VPS41: variants seen among roughly 807,000 people sequenced by gnomAD.
The protein encoded by VPS41 is vacuolar protein sorting-associated protein 41 homolog.
VPS41 carries 85 observed loss-of-function variants against 130.9 expected under a neutral mutation model. The ratio of observed to expected loss-of-function variants is 0.65; its 90% CI spans 0.55 to 0.78. The LOEUF is 0.78. Among genes scored for constraint, VPS41 ranks in the 30% least tolerant of loss-of-function variants. VPS41 has a pLI of 0.00. For missense variants in VPS41, 874 were observed against 1,018.7 expected (o/e 0.86, Z 1.93); for synonymous variants, 335 against 332.9 (o/e 1.01, Z -0.07).
chr7:38,887,883 TTA>T (rs1398580184), intron 2 of VPS41, among the ~76,000 whole-genome samples: 4 of 152,164 alleles, frequency 2.6e-5, no homozygotes, highest in African/African-American at 4.8e-5. Context: ...TTCAACATTC[TTA>T]AAGAAAAGAA....
At chr7:38,815,348 C>T (rs1470805547) in intron 7 of VPS41, among the ~76,000 whole-genome samples, 2 of 151,996 alleles carry the variant, frequency 1.3e-5, no homozygotes, top group East Asian at 1.9e-4. Flanking sequence ...TCCTTCAACT[C>T]GGGAGGTGGA....
chr7:38,739,969 G>T (rs1238964340), intron 25 of VPS41, among the ~76,000 whole-genome samples: 1 of 152,170 alleles, frequency 6.6e-6, no homozygotes, highest in East Asian at 1.9e-4. Context: ...GACTCAGAAT[G>T]ATGCAAATTT....
intron 12 of VPS41, among the ~76,000 whole-genome samples, chr7:38,773,688 A>G (rs1784198251): frequency 6.6e-6 from 1 of 152,220 alleles, no homozygotes; most frequent in Non-Finnish European, 1.5e-5. Flanking sequence ...ATGTGCCAGA[A>G]GTCTTTCAGG....
intron 25 of VPS41, among the ~76,000 whole-genome samples, chr7:38,732,402 C>T (rs1156260671): frequency 6.6e-6 from 1 of 152,188 alleles, no homozygotes; most frequent in African/African-American, 2.4e-5. Context: ...GCATTTTATA[C>T]TCCCACATAT....
Position 38,871,767 on chromosome 7 carries a change from G to A in VPS41, c.61-2514C>T, listed in dbSNP as rs531101561. ...GTTTTAAAATATGTTTATTTAGCAG[G>A]TGCATTAGCTAGCTATTGTTGTGTA... On this transcript the variant is annotated intron_variant, in intron 2 of 28. Transcript: ENST00000310301. Among the ~76,000 whole-genome samples the A allele has an allele frequency of 7.2e-5, 11 of 152,260 alleles. No individual in the cohort carries two copies. The South Asian group carries it at 2.1e-3, about 29-fold the overall frequency.
chr7:38,816,193 C>T (rs1248903714), intron 7 of VPS41, among the ~76,000 whole-genome samples: 1 of 152,022 alleles, frequency 6.6e-6, no homozygotes, highest in Non-Finnish European at 1.5e-5. Flanking sequence ...CTAATTAGTC[C>T]CCTGGACATT....
At position 38,862,625 on chromosome 7, in the gene VPS41, G is replaced by A. The variant is rs750482305; in HGVS notation, c.169-3C>T. On this transcript the variant is annotated splice_polypyrimidine_tract_variant and splice_region_variant and intron_variant, in intron 3 of 28. Coordinates refer to ENST00000310301, the MANE Select transcript of VPS41 (RefSeq NM_014396.4). The stretch of plus-strand genomic sequence containing the variant: ...TAATGTGTGCCCAATGCCAAAAACT[G>A]TAAGAAGAACAAAGAGGCCAGTTAA... The A allele has an allele frequency of 5.0e-6, 8 of 1,595,174 alleles. No individual in the cohort carries two copies. Among genetic ancestry groups the A allele is most frequent in the Middle Eastern group, 1.7e-4 (1 of 6,010 alleles).
chr7:38,843,340 G>A (rs1397326685), intron 4 of VPS41, among the ~76,000 whole-genome samples: 2 of 152,118 alleles, frequency 1.3e-5, no homozygotes, highest in Non-Finnish European at 2.9e-5. Flanking sequence ...ACATGAGTAT[G>A]CAAAAAATGT....
chr7:38,792,621 G>C (rs1784555257), intron 9 of VPS41, among the ~76,000 whole-genome samples: 1 of 152,036 alleles, frequency 6.6e-6, no homozygotes, highest in Non-Finnish European at 1.5e-5. Flanking sequence ...TAGCCTAATT[G>C]GTCTCCCCTC....
intron 10 of VPS41, 41 bp from the exon 11 acceptor site, chr7:38,776,817 C>T (rs895021903): frequency 2.7e-6 from 3 of 1,107,426 alleles, no homozygotes; most frequent in Non-Finnish European, 2.8e-6. Flanking sequence ...TCAACAGGGG[C>T]AAACAGCAGC....
At position 38,764,833 on chromosome 7, in the gene VPS41, G is replaced by A. The variant is rs568864711; in HGVS notation, c.1329+747C>T. Reference sequence around the variant, plus strand: ...ATCAGCAGTATATACAAGGAGAAACGGCCATCACATGATATTCAAAAAAAA... The same window carrying A: ...ATCAGCAGTATATACAAGGAGAAACAGCCATCACATGATATTCAAAAAAAA... On this transcript the variant is annotated intron_variant, in intron 16 of 28. Transcript: ENST00000310301. Among the ~76,000 whole-genome samples the A allele has an allele frequency of 2.6e-5, 4 of 151,886 alleles. No individual in the cohort carries two copies. In the East Asian group the frequency reaches 7.8e-4, roughly 30 times the overall value.
At position 38,776,770 on chromosome 7, in the gene VPS41, T is replaced by A. The variant is rs1231444649; in HGVS notation, c.791A>T (p.Gln264Leu). ...LPSRYVEIVS[Q>L]FETEFYISGL... ...ACTGATGTAGAATTCAGTTTCAAAC[T>A]GAGACACTGCAAACAAAAGGGATAC... is the stretch of plus-strand genomic sequence containing the variant. Residue 264 changes from glutamine to leucine, a missense_variant, in exon 11 of 29, where the codon CAG (glutamine) becomes CTG (leucine). Gln to Leu is a moderately radical substitution (Grantham distance 113). Transcript: ENST00000310301. The A allele has an allele frequency of 1.2e-6, 2 of 1,601,290 alleles. No homozygotes were observed. The highest frequency in any genetic ancestry group is 1.7e-6 in the Non-Finnish European group (2 of 1,168,834).
chr7:38,876,787 C>A (rs952628039), intron 2 of VPS41, among the ~76,000 whole-genome samples: 3 of 152,070 alleles, frequency 2.0e-5, no homozygotes, highest in East Asian at 1.9e-4. Flanking sequence ...CTCTCCTGTG[C>A]CCTGTAGTAT....
At chr7:38,833,415 G>A (rs1449644671) in intron 4 of VPS41, among the ~76,000 whole-genome samples, 1 of 152,116 alleles carries the variant, frequency 6.6e-6, no homozygotes, top group Non-Finnish European at 1.5e-5. Context: ...TAAATTATCT[G>A]GCCTTTGCCC....
rs749250359 is a variant in VPS41 at position 38,815,939 on chromosome 7, TATACAC to T, written c.450+1872_450+1877del. Among the ~76,000 whole-genome samples the T allele has an allele frequency of 4.6e-3, 691 of 151,562 alleles. 4 individuals carry two copies. The highest frequency in any genetic ancestry group is 8.2e-3 in the Non-Finnish European group (559 of 67,832). On this transcript the variant is annotated intron_variant, in intron 7 of 28. Transcript: ENST00000310301. ...CAATAAACTACTATATATATATATA[TATACAC>T]ATATATACACACACACACATCTATC...
At chr7:38,818,823 T>G (rs1205080834) in intron 6 of VPS41, among the ~76,000 whole-genome samples, 2 of 152,220 alleles carry the variant, frequency 1.3e-5, no homozygotes, top group South Asian at 4.1e-4. Context: ...TCTATATACC[T>G]TCAATTAAAC....
intron 19 of VPS41, 83 bp from the exon 20 acceptor site, chr7:38,755,019 C>CCTGTGAACTGTGGT: frequency 7.6e-7 from 1 of 1,311,342 alleles, no homozygotes; most frequent in Non-Finnish European, 1.1e-6. Context: ...GTACCTACCA[C>CCTGTGAACTGTGGT]AGTTCACAGG....
chr7:38,858,413 T>C (rs940375892), intron 4 of VPS41, among the ~76,000 whole-genome samples: 1 of 152,136 alleles, frequency 6.6e-6, no homozygotes, highest in African/African-American at 2.4e-5. Flanking sequence ...TGTGCCTGAA[T>C]TCCAAAAAGA....
chr7:38,747,633 T>G (rs1186826594), intron 22 of VPS41, among the ~76,000 whole-genome samples: 1 of 152,246 alleles, frequency 6.6e-6, no homozygotes, highest in African/African-American at 2.4e-5. Flanking sequence ...GTTTGCAGTT[T>G]GAAGCCTCAC....
Sources: gnomAD v4.1 joint callset for allele counts (sites outside exome capture counted in the v4.1 genomes callset) on GRCh38, gnomAD v4.1.1 for gene constraint, MANE v1.5 for transcripts, NCBI Gene and HGNC (gene_info 2026-07-23, HGNC 2026-07-21) for gene names.